Variants in CNOT6L observed in about 807,000 individuals in gnomAD.
CNOT6L encodes CCR4-NOT transcription complex subunit 6-like.
Under a neutral mutation model 64.0 loss-of-function variants are expected in CNOT6L, and 7 were observed. The ratio of observed to expected loss-of-function variants is 0.11; its 90% CI spans 0.06 to 0.21. The LOEUF (loss-of-function observed/expected upper bound fraction) is 0.21. Ranked by LOEUF, CNOT6L falls within the 10% of genes least tolerant of loss-of-function variation. The probability of loss-of-function intolerance (pLI) is 1.00; values close to 1 mark genes in which losing one functional copy is unlikely to be tolerated. For missense variants in CNOT6L, 245 were observed against 669.0 expected, an observed-to-expected ratio of 0.37 and a Z score of 6.99; for synonymous variants, 193 against 243.4, an observed-to-expected ratio of 0.79 and a Z score of 1.93.
At chr4:77,818,314 G>A (rs1553900755) in intron 1 of CNOT6L, among the ~76,000 whole-genome samples, 1 of 152,102 alleles carries the variant, frequency 6.6e-6, no homozygotes, top group Non-Finnish European at 1.5e-5. Flanking sequence ...TCAGCTCGGC[G>A]GCGCGTACAC....
intron 10 of CNOT6L, 105 bp from the exon 11 acceptor site, chr4:77,726,474 T>G (rs1177741991): frequency 2.4e-6 from 2 of 850,696 alleles, no homozygotes; most frequent in Admixed American, 2.9e-5. Context: ...CAGAGTGGTC[T>G]TCTTAGGTTG....
chr4:77,795,974 G>C (rs909003328), intron 1 of CNOT6L, among the ~76,000 whole-genome samples: 2 of 151,934 alleles, frequency 1.3e-5, no homozygotes, highest in Non-Finnish European at 2.9e-5. Context: ...CATTGAAAGT[G>C]ATCTTTTTTC....
chr4:77,745,254 T>G (rs988897748), intron 6 of CNOT6L, among the ~76,000 whole-genome samples: 4 of 152,216 alleles, frequency 2.6e-5, no homozygotes, highest in Non-Finnish European at 4.4e-5. Flanking sequence ...CATTACCTCT[T>G]ATTAACAAAA....
chr4:77,738,658 CAGG>C (rs1463425395), intron 8 of CNOT6L, among the ~76,000 whole-genome samples: 8 of 146,696 alleles, frequency 5.5e-5, no homozygotes, highest in African/African-American at 7.6e-5. Flanking sequence ...GAGGCTAAGG[CAGG>C]AGAATTGCTT....
intron 1 of CNOT6L, among the ~76,000 whole-genome samples, chr4:77,780,461 T>C (rs965108790): frequency 2.6e-5 from 4 of 152,192 alleles, no homozygotes; most frequent in Admixed American, 1.3e-4. Flanking sequence ...TTTCCAACTT[T>C]GCCATCTAAC....
In CNOT6L at chr4:77,716,091, A is replaced by C. The variant is rs1182528090; in HGVS notation, c.*4340T>G. The C allele has an allele frequency of 6.6e-6, 1 of 151,688 alleles. No individual in the cohort carries two copies. The highest frequency in any genetic ancestry group is 1.9e-4 in the East Asian group (1 of 5,166). The allele number at this position is 151,688 out of a possible 1,614,324, so 9.4% of individuals were successfully genotyped here. On this transcript the variant is annotated 3_prime_UTR_variant, in exon 12 of 12. Coordinates refer to ENST00000504123, the MANE Select transcript of CNOT6L (RefSeq NM_144571.3). Reference sequence around the variant, plus strand: ...TGACTCAAAGGGAAAGGCGTAAATGAATCTACTACACATTAGAAAAGTGAC... The same window carrying C: ...TGACTCAAAGGGAAAGGCGTAAATGCATCTACTACACATTAGAAAAGTGAC...
rs1229280479 is a variant in CNOT6L at position 77,716,833 on chromosome 4, A to AAATT, written c.*3594_*3597dup. 1 of 152,548 alleles carries AAATT rather than the reference A, an allele frequency of 6.6e-6. No homozygotes were observed. Among genetic ancestry groups the AAATT allele is most frequent in the East Asian group, 1.9e-4 (1 of 5,188 alleles). 9.4% of individuals were successfully genotyped at this position (152,548 alleles called of 1,614,324 possible). ...CATTCACACAGGATGCTAATTAGTAAAATTAAATACCTGCCTATGAATATC... is the reference window on the plus strand; with the variant it reads ...CATTCACACAGGATGCTAATTAGTAAAATTAATTAAATACCTGCCTATGAATATC... On this transcript the variant is annotated 3_prime_UTR_variant, in exon 12 of 12. Coordinates refer to ENST00000504123, the MANE Select transcript of CNOT6L (RefSeq NM_144571.3).
At position 77,726,259 on chromosome 4, in the gene CNOT6L, T is replaced by G. The variant is rs778376366; in HGVS notation, c.1363A>C (p.Ser455Arg). The G allele has an allele frequency of 1.5e-5, 24 of 1,613,786 alleles. No individual in the cohort carries two copies. In the East Asian group the frequency reaches 3.8e-4, roughly 25 times the overall value. ...MNFSCNGKNG[S>R]SEGRITHGFQ... Reference sequence around the variant, plus strand: ...CCATGTGTGATTCTCCCTTCTGAGCTTCCATTCTTTCCATTGCAGCTGAAG... The same window carrying G: ...CCATGTGTGATTCTCCCTTCTGAGCGTCCATTCTTTCCATTGCAGCTGAAG... The change falls in exon 11 of 12, where the codon AGC (serine) becomes CGC (arginine). Residue 455 changes from serine to arginine, a missense_variant. Transcript: ENST00000504123.
intron 5 of CNOT6L, among the ~76,000 whole-genome samples, chr4:77,749,872 A>C (rs1407946768): frequency 3.3e-5 from 5 of 152,226 alleles, no homozygotes; most frequent in African/African-American, 1.2e-4. Context: ...TGTCCCTATG[A>C]CTGAGTAAAA....
chr4:77,722,061 C>A (rs1250108630), intron 11 of CNOT6L, among the ~76,000 whole-genome samples: 3 of 151,842 alleles, frequency 2.0e-5, no homozygotes, highest in Non-Finnish European at 4.4e-5. Flanking sequence ...CCAGGGGACT[C>A]CAAGTTTAAA....
At chr4:77,731,766 G>C (rs1429840985) in intron 8 of CNOT6L, 6 of 371,344 alleles carry the variant, frequency 1.6e-5, no homozygotes, top group Non-Finnish European at 2.9e-5. Context: ...TTTATACCTT[G>C]CCCCTTACAG....
chr4:77,779,238 T>C (rs959106867), intron 1 of CNOT6L, among the ~76,000 whole-genome samples: 6 of 151,956 alleles, frequency 3.9e-5, no homozygotes, highest in African/African-American at 9.7e-5. Flanking sequence ...TAACATGTAT[T>C]TGTGGAATGA....
Position 77,728,899 on chromosome 4 carries a change from T to C in CNOT6L, c.1207A>G (p.Ile403Val), listed in dbSNP as rs767385211. 11 of 1,613,714 alleles carry C rather than the reference T, an allele frequency of 6.8e-6. No homozygotes were observed. Among genetic ancestry groups the C allele is most frequent in the Non-Finnish European group, 9.3e-6 (11 of 1,179,684 alleles). The part of the protein sequence containing the change: ...PGSPTADPNS[I>V]PLVLCADLNS... ...AGATCTGCACATAGCACCAGCGGGA[T>C]GGAATTAGGATCTGCAGTTGGGCTT... The change falls in exon 10 of 12, where the codon ATC becomes GTC. Residue 403 changes from isoleucine to valine, a missense_variant. Coordinates refer to ENST00000504123, the MANE Select transcript of CNOT6L (RefSeq NM_144571.3).
At chr4:77,815,536 T>A (rs1431631956) in intron 1 of CNOT6L, among the ~76,000 whole-genome samples, 5 of 152,164 alleles carry the variant, frequency 3.3e-5, no homozygotes, top group Non-Finnish European at 5.9e-5. Context: ...TAATTCACCT[T>A]TTGGATGTAA....
chr4:77,773,180 A>G lies in CNOT6L; in HGVS notation c.315-14T>C. On this transcript the variant is annotated splice_polypyrimidine_tract_variant and intron_variant, in intron 3 of 11. Transcript: ENST00000504123. ...AAAAGCAATTCCCTGTTTTAAAAAA[A>G]AAAAAAAAATTAGTTTAATATACTA... 6.6e-7 allele frequency: 1 copy of G among 1,513,218 alleles called. No homozygotes were observed. The highest frequency in any genetic ancestry group is 8.9e-7 in the Non-Finnish European group (1 of 1,127,606). 93.7% of individuals were successfully genotyped at this position (1,513,218 alleles called of 1,614,324 possible). A position where few individuals can be genotyped will look rare whatever the true frequency, so the allele number is the denominator to read the frequency against.
In CNOT6L at chr4:77,731,404, T is replaced by C; in HGVS notation, c.1007A>G (p.Lys336Arg). ...GCACTCACCTGCTCCAAATAGTTCT[T>C]TGTGGACCTCTAATACCACAGCGAC... ...IGVAVVLEVH[K>R]ELFGAGMKPI... Residue 336 changes from lysine to arginine, a missense_variant, in exon 9 of 12, where the codon AAA (lysine) becomes AGA (arginine). Transcript: ENST00000504123. The C allele has an allele frequency of 6.2e-7, 1 of 1,612,212 alleles. No individual in the cohort carries two copies. Among genetic ancestry groups the C allele is most frequent in the Non-Finnish European group, 8.5e-7 (1 of 1,179,370 alleles).
intron 1 of CNOT6L, among the ~76,000 whole-genome samples, chr4:77,786,290 A>G (rs76056556): frequency 7.0e-6 from 1 of 141,862 alleles, no homozygotes; most frequent in African/African-American, 2.6e-5. Flanking sequence ...AAAAAAAAAG[A>G]AAGAAAGAGA....
At chr4:77,801,364 G>A (rs1364646454) in intron 1 of CNOT6L, among the ~76,000 whole-genome samples, 1 of 152,010 alleles carries the variant, frequency 6.6e-6, no homozygotes. Flanking sequence ...CACTCACAAC[G>A]CCAGCTTCAC....
chr4:77,794,866 T>C (rs572409771), intron 1 of CNOT6L, among the ~76,000 whole-genome samples: 1 of 152,160 alleles, frequency 6.6e-6, no homozygotes, highest in East Asian at 1.9e-4. Context: ...ATTATATATA[T>C]GTAAAAAATC....
Sources: allele counts gnomAD v4.1 joint callset (sites outside exome capture counted in the v4.1 genomes callset), GRCh38; gene constraint gnomAD v4.1.1; transcripts MANE v1.5; gene names NCBI Gene and HGNC (gene_info 2026-07-23, HGNC 2026-07-21).